Variants in CSMD2 observed in about 807,000 individuals in gnomAD.
CSMD2 encodes CUB and Sushi multiple domains 2.
A neutral mutation model predicts 398.5 loss-of-function variants in CSMD2; 130 were observed. The observed-to-expected ratio is 0.33, with a 90% confidence interval of 0.28 to 0.38. The LOEUF is 0.38. Ranked by LOEUF, CSMD2 falls within the 10% of genes least tolerant of loss-of-function variation. The pLI is 1.00. For synonymous variants in CSMD2, 1,828 were observed against 1,908.5 expected, an observed-to-expected ratio of 0.96 and a Z score of 1.10; for missense variants, 3,829 against 4,764.9, an observed-to-expected ratio of 0.80 and a Z score of 5.78.
At chr1:33,597,692 G>A (rs1211154696) in intron 44 of CSMD2, among the ~76,000 whole-genome samples, 2 of 152,294 alleles carry the variant, frequency 1.3e-5, no homozygotes, top group East Asian at 3.9e-4. Context: ...GATAAATTGA[G>A]CATTACCTAG....
chr1:33,900,919 A>G lies in CSMD2; in HGVS notation c.920+17175T>C, dbSNP rs368312403. Among the ~76,000 whole-genome samples, 23 of 152,318 alleles carry G rather than the reference A, an allele frequency of 1.5e-4. No homozygotes were observed. In the East Asian group the frequency reaches 4.4e-3, roughly 29 times the overall value. On this transcript the variant is annotated intron_variant, in intron 5 of 70. Transcript: ENST00000373381. ...TAAGGCAGGAGGAAGGCAGATAGAG[A>G]CTCAAAGAGGACAGATTGCATCAAA...
chr1:34,165,700 G>A, upstream of CSMD2: 1 of 1,588,620 alleles, frequency 6.3e-7, no homozygotes, highest in Non-Finnish European at 8.6e-7. Flanking sequence ...TCCTGTCTGG[G>A]AAAAGGTAAC....
chr1:34,107,407 C>T (rs7517232), intron 1 of CSMD2, among the ~76,000 whole-genome samples: 145,924 of 152,220 alleles, frequency 0.96, 70,220 homozygotes, highest in East Asian at 1. Context: ...AAGTACTGTC[C>T]TACGCACTGT....
chr1:33,992,090 A>T (rs1558214281), intron 3 of CSMD2, among the ~76,000 whole-genome samples: 1 of 152,176 alleles, frequency 6.6e-6, no homozygotes, highest in African/African-American at 2.4e-5. Context: ...ATGTTGGGAG[A>T]GGGTAGGGGA....
At position 33,866,986 on chromosome 1, in the gene CSMD2, G is replaced by A. The variant is rs549314168; in HGVS notation, c.921-19990C>T. On this transcript the variant is annotated intron_variant, in intron 5 of 70. Coordinates refer to ENST00000373381, the MANE Select transcript of CSMD2 (RefSeq NM_001281956.2). ...ATAGCGGATATACTCTAGGGTGGCT[G>A]TTCCATAATCCTTTCCTCCTTTCTT... Among the ~76,000 whole-genome samples, 12 of 152,294 alleles carry A rather than the reference G, an allele frequency of 7.9e-5. No individual in the cohort carries two copies. The South Asian group carries it at 1.0e-3, about 13-fold the overall frequency.
chr1:34,001,900 A>G (rs1025471746), intron 3 of CSMD2, among the ~76,000 whole-genome samples: 1 of 152,154 alleles, frequency 6.6e-6, no homozygotes, highest in African/African-American at 2.4e-5. Flanking sequence ...AATGCTGCAA[A>G]AATAATAATA....
At chr1:33,640,322 A>T (rs1233939537) in intron 29 of CSMD2, among the ~76,000 whole-genome samples, 1 of 152,216 alleles carries the variant, frequency 6.6e-6, no homozygotes, top group African/African-American at 2.4e-5. Context: ...TTGAATACTG[A>T]TATGGGAAGG....
intron 7 of CSMD2, among the ~76,000 whole-genome samples, chr1:33,821,912 G>A (rs1268759308): frequency 6.6e-6 from 1 of 152,170 alleles, no homozygotes; most frequent in Non-Finnish European, 1.5e-5. Context: ...AGACAGGCAC[G>A]AGGAGTGAGG....
intron 2 of CSMD2, among the ~76,000 whole-genome samples, chr1:34,073,655 A>T: frequency 6.6e-6 from 1 of 152,228 alleles, no homozygotes; most frequent in East Asian, 1.9e-4. Context: ...ATGGATTTTT[A>T]AAAGGAAATT....
chr1:34,018,885 T>C (rs115482340), intron 3 of CSMD2, among the ~76,000 whole-genome samples: 2,216 of 152,362 alleles, frequency 0.015, 50 homozygotes, highest in African/African-American at 0.051. Flanking sequence ...TTTTGTTAGA[T>C]TTTTTAAAGT....
intron 55 of CSMD2, among the ~76,000 whole-genome samples, chr1:33,552,695 A>T (rs1657571462): frequency 6.6e-6 from 1 of 152,248 alleles, no homozygotes; most frequent in South Asian, 2.1e-4. Context: ...AAAGACACAC[A>T]TATAATTCCA....
chr1:33,724,486 A>C (rs747476765), intron 18 of CSMD2, 30 bp downstream of exon 18: 1 of 1,604,256 alleles, frequency 6.2e-7, no homozygotes, highest in Admixed American at 1.7e-5. Flanking sequence ...GGAGTCTGCT[A>C]CTTTAGCGCC....
chr1:34,115,983 T>C (rs1661564221), intron 1 of CSMD2, among the ~76,000 whole-genome samples: 1 of 151,682 alleles, frequency 6.6e-6, no homozygotes, highest in Non-Finnish European at 1.5e-5. Flanking sequence ...AATCAAAGAA[T>C]GTCACTACAA....
rs1644190079 is a variant in CSMD2 at position 33,663,009 on chromosome 1, A to G, written c.4136T>C (p.Leu1379Pro). 1 of 1,614,040 alleles carries G rather than the reference A, an allele frequency of 6.2e-7. No homozygotes were observed. The highest frequency in any genetic ancestry group is 8.5e-7 in the Non-Finnish European group (1 of 1,180,022). ...WDGPVESGVL[L>P]KELSGPALPK... ...CAGGGCCGGGCCACTCAGCTCCTTCAGCAGAACCCCGCTCTCCACAGGCCC... is the reference window on the plus strand; with the variant it reads ...CAGGGCCGGGCCACTCAGCTCCTTCGGCAGAACCCCGCTCTCCACAGGCCC... The change falls in exon 26 of 71, where the codon CTG becomes CCG. Residue 1379 changes from leucine (L) to proline (P), a missense_variant. Around this residue, in one of 5 missense-constraint regions of CSMD2, gnomAD observed 2,001 missense variants for 2,567.1 expected, o/e 0.78. Transcript: ENST00000373381.
chr1:33,610,899 A>G (rs1640952480), intron 41 of CSMD2, 142 bp downstream of exon 41: 1 of 730,266 alleles, frequency 1.4e-6, no homozygotes, highest in Admixed American at 2.5e-5. Context: ...CACCAAAAGG[A>G]AGCTTCCCTG....
At chr1:33,613,249 T>C (rs1420306615) in intron 40 of CSMD2, among the ~76,000 whole-genome samples, 1 of 152,208 alleles carries the variant, frequency 6.6e-6, no homozygotes, top group Non-Finnish European at 1.5e-5. Context: ...GTGAAAATGG[T>C]GGCTGAACAT....
intron 6 of CSMD2, among the ~76,000 whole-genome samples, chr1:33,845,534 T>A (rs988425): frequency 0.26 from 39,624 of 152,092 alleles, 5,405 homozygotes; most frequent in South Asian, 0.45. Context: ...CTTAATCAGA[T>A]ACAATTATAG....
intron 23 of CSMD2, 86 bp downstream of exon 23, chr1:33,700,431 A>G: frequency 7.0e-7 from 1 of 1,430,518 alleles, no homozygotes; most frequent in Non-Finnish European, 9.7e-7. Flanking sequence ...CATTCTTTGT[A>G]TCTCGTGAGC....
intron 2 of CSMD2, among the ~76,000 whole-genome samples, chr1:34,048,434 A>G (rs562680857): frequency 1.3e-5 from 2 of 152,228 alleles, no homozygotes; most frequent in Non-Finnish European, 2.9e-5. Context: ...GAGAGACACA[A>G]ACAACAATTA....
Sources: allele counts gnomAD v4.1 joint callset (sites outside exome capture counted in the v4.1 genomes callset), GRCh38; gene constraint gnomAD v4.1.1; regional missense constraint gnomAD v4.1.1; transcripts MANE v1.5; gene names NCBI Gene and HGNC (gene_info 2026-07-23, HGNC 2026-07-21).